IL16: variants seen among roughly 807,000 people sequenced by gnomAD.
IL16 encodes the protein pro-interleukin-16.
Under a neutral mutation model 110.1 loss-of-function variants are expected in IL16, and 67 were observed. That is an observed-to-expected ratio of 0.61 (90% CI 0.50 to 0.75). The LOEUF (loss-of-function observed/expected upper bound fraction) is 0.75. Ranked by LOEUF, IL16 falls within the 30% of genes least tolerant of loss-of-function variation. The pLI is 0.00. For synonymous variants in IL16, 689 were observed against 662.9 expected (o/e 1.04, Z -0.61); for missense variants, 1,545 against 1,655.0 (o/e 0.93, Z 1.15).
intron 1 of IL16, among the ~76,000 whole-genome samples, chr15:81,203,980 T>G (rs1056519514): frequency 8.2e-4 from 124 of 151,836 alleles, no homozygotes; most frequent in Non-Finnish European, 1.3e-3. Flanking sequence ...CATTTGTTTG[T>G]ATCCTCTTTT....
In IL16 at chr15:81,282,686, C is replaced by G; in HGVS notation, c.1129C>G (p.Gln377Glu). 1 of 1,614,140 alleles carries G rather than the reference C, an allele frequency of 6.2e-7. No individual in the cohort carries two copies. ...CGGCCTGTGCAGCGTTCCCTACTTC[C>G]AATGCATCTCTGGCATTTTCGTCCA... Reference protein sequence around the residue: ...GIGLCSVPYFQCISGIFVHTL... With the variant: ...GIGLCSVPYFECISGIFVHTL... Residue 377 changes from glutamine (Q) to glutamate (E), a missense_variant, in exon 9 of 19, where the codon CAA becomes GAA. Physicochemically the swap from Gln to Glu is conservative, Grantham distance 29. Around this residue, in one of 3 missense-constraint regions of IL16, gnomAD observed 1,185 missense variants for 1,238.8 expected, o/e 0.96. Transcript: ENST00000683961.
intron 6 of IL16, among the ~76,000 whole-genome samples, chr15:81,276,624 A>G (rs1256327122): frequency 6.6e-6 from 1 of 152,242 alleles, no homozygotes; most frequent in African/African-American, 2.4e-5. Flanking sequence ...CTCACCAAAA[A>G]GTGAATATCA....
intron 1 of IL16, among the ~76,000 whole-genome samples, chr15:81,215,765 G>A (rs1287439149): frequency 6.6e-6 from 1 of 152,202 alleles, no homozygotes; most frequent in African/African-American, 2.4e-5. Flanking sequence ...CACACTCTGA[G>A]GGTGGGGGAT....
Position 81,313,456 on chromosome 15 carries a change from A to G in IL16, c.*4658A>G. 1.4e-6 allele frequency: 2 copies of G among 1,444,886 alleles called. No homozygotes were observed. Among genetic ancestry groups the G allele is most frequent in the South Asian group, 1.6e-5 (1 of 63,398 alleles). The allele number at this position is 1,444,886 out of a possible 1,614,324, so 89.5% of individuals were successfully genotyped here. ...ATGATCTGCAGCAGAGGTGCTGGGGACGAGCGCCAGGCAGGTGAGCAGAGC... is the reference window on the plus strand; with the variant it reads ...ATGATCTGCAGCAGAGGTGCTGGGGGCGAGCGCCAGGCAGGTGAGCAGAGC... On this transcript the variant is annotated 3_prime_UTR_variant, in exon 19 of 19. Coordinates refer to ENST00000683961, the MANE Select transcript of IL16 (RefSeq NM_172217.5).
At chr15:81,189,684 A>T (rs1895469788) in intron 1 of IL16, among the ~76,000 whole-genome samples, 1 of 152,154 alleles carries the variant, frequency 6.6e-6, no homozygotes, top group Non-Finnish European at 1.5e-5. Flanking sequence ...AGTTCACTGG[A>T]GGCAGGGCTT....
At chr15:81,259,304 C>G (rs1159634980) in intron 2 of IL16, among the ~76,000 whole-genome samples, 1 of 152,172 alleles carries the variant, frequency 6.6e-6, no homozygotes, top group Non-Finnish European at 1.5e-5. Context: ...CTAAAACATA[C>G]CTTCCAGGCT....
At chr15:81,182,934 G>C in intron 1 of IL16, 1 of 1,267,596 alleles carries the variant, frequency 7.9e-7, no homozygotes, top group South Asian at 1.2e-5. Flanking sequence ...GGGGACTCAG[G>C]GGAGGTTGGA....
Position 81,285,850 on chromosome 15 carries a change from C to T in IL16, c.1332+20C>T, listed in dbSNP as rs780399829. 28 of 1,612,906 alleles carry T rather than the reference C, an allele frequency of 1.7e-5. No individual in the cohort carries two copies. In the South Asian group the frequency reaches 2.6e-4, roughly 15 times the overall value. The stretch of plus-strand genomic sequence containing the variant: ...CCACAGGTAACACCCACTGGGTTAT[C>T]CTCTTCTTCTCAGGCTCACTCGTTC... On this transcript the variant is annotated intron_variant, in intron 10 of 18. Coordinates refer to ENST00000683961, the MANE Select transcript of IL16 (RefSeq NM_172217.5).
At position 81,303,622 on chromosome 15, in the gene IL16, GAGC is replaced by G; in HGVS notation, c.3395_3397del (p.Ala1132del). ...GGTCTTGGGTTCAGCTTGGCAGGAG[GAGC>G]AGATCTAGAAAACAAGGTGATTACG... On this transcript the variant is annotated inframe_deletion, in exon 16 of 19. Transcript: ENST00000683961. The surrounding 1 kb of genome is among the most constrained non-coding windows in gnomAD (Gnocchi z 4.1). The G allele has an allele frequency of 6.2e-7, 1 of 1,613,738 alleles. No homozygotes were observed. The highest frequency in any genetic ancestry group is 8.5e-7 in the Non-Finnish European group (1 of 1,179,608).
chr15:81,300,231 CT>C lies in IL16; in HGVS notation c.2906del (p.Leu969ArgfsTer31). On this transcript the variant is annotated frameshift_variant, in exon 14 of 19. Transcript: ENST00000683961. LOFTEE classifies it high-confidence loss of function. ...TAGCCAGCGAGCACGGAGCTTCCCC[CT>C]GACCAGGTCCCAGTCCTGTGAGACG... Reference protein sequence around the residue: ...MPSQRARSFPLTRSQSCETKL... With the variant: ...MPSQRARSFPXTRSQSCETKL... 1 of 1,614,244 alleles carries C rather than the reference CT, an allele frequency of 6.2e-7. No individual in the cohort carries two copies. The highest frequency in any genetic ancestry group is 1.1e-5 in the South Asian group (1 of 91,092).
At chr15:81,258,940 A>G (rs945303784) in intron 2 of IL16, among the ~76,000 whole-genome samples, 16 of 152,156 alleles carry the variant, frequency 1.1e-4, no homozygotes, top group African/African-American at 3.9e-4. Context: ...AGAAAGATAA[A>G]ATAATTAATA....
intron 1 of IL16, among the ~76,000 whole-genome samples, chr15:81,197,571 C>A (rs1334895568): frequency 7.9e-5 from 12 of 152,272 alleles, no homozygotes; most frequent in Middle Eastern, 3.4e-3. Context: ...CCTGGCCAGA[C>A]TCCTTTTCTC....
At chr15:81,256,820 TC>T (rs1897964944) in intron 2 of IL16, among the ~76,000 whole-genome samples, 1 of 152,180 alleles carries the variant, frequency 6.6e-6, no homozygotes, top group Non-Finnish European at 1.5e-5. Flanking sequence ...TTCCTTATGC[TC>T]AATGGACCCG....
intron 2 of IL16, among the ~76,000 whole-genome samples, chr15:81,244,311 T>TTTTGTTTG (rs538641255): frequency 6.6e-6 from 1 of 152,164 alleles, no homozygotes; most frequent in African/African-American, 2.4e-5. Context: ...TTAAGATTCT[T>TTTTGTTTG]TTTGTTTGTT....
rs984553320 is a variant in IL16, at chr15:81,256,365, G to A, written c.313-3407G>A. Among the ~76,000 whole-genome samples the A allele has an allele frequency of 7.7e-5, 10 of 129,116 alleles. No individual in the cohort carries two copies. In the South Asian group the frequency reaches 1.6e-3, roughly 21 times the overall value. 84.7% of individuals were successfully genotyped at this position (129,116 alleles called of 152,430 possible). On this transcript the variant is annotated intron_variant, in intron 2 of 18. Transcript: ENST00000683961. ...TTTTTTTTTTTTGAGACAGAGTCTC[G>A]CTCTGTCACCCAGGCTGAAGTACAG...
rs924374216 is a variant in IL16 at position 81,298,288 on chromosome 15, G to A, written c.2054-1092G>A. 4.6e-5 allele frequency among the ~76,000 whole-genome samples: 7 copies of A among 152,332 alleles called. No individual in the cohort carries two copies. In the South Asian group the frequency reaches 1.2e-3, roughly 27 times the overall value. On this transcript the variant is annotated intron_variant, in intron 13 of 18. Coordinates refer to ENST00000683961, the MANE Select transcript of IL16 (RefSeq NM_172217.5). ...CACTTCTTTTGAAACCTGGCATTGA[G>A]ACAAGGGACAGGAGGGATCAGAGTT...
intron 2 of IL16, among the ~76,000 whole-genome samples, chr15:81,235,701 C>T (rs879693632): frequency 1.2e-4 from 19 of 152,110 alleles, no homozygotes; most frequent in Non-Finnish European, 2.2e-4. Context: ...TTTTACGACA[C>T]GGTGGAGCAC....
rs1900821469 is a variant in IL16 at position 81,310,949 on chromosome 15, G to A, written c.*2151G>A. On this transcript the variant is annotated 3_prime_UTR_variant, in exon 19 of 19. Coordinates refer to ENST00000683961, the MANE Select transcript of IL16 (RefSeq NM_172217.5). The stretch of plus-strand genomic sequence containing the variant: ...TACCTCCTGTCTCTGGCCTGTTTTA[G>A]AAGGTTCTCTCCTCCCCAAGGAGAC... 6.6e-6 allele frequency: 1 copy of A among 152,294 alleles called. No individual in the cohort carries two copies. The highest frequency in any genetic ancestry group is 1.5e-5 in the Non-Finnish European group (1 of 68,114). The allele number at this position is 152,294 out of a possible 1,614,324, so 9.4% of individuals were successfully genotyped here. A position where few individuals can be genotyped will look rare whatever the true frequency, so the allele number is the denominator to read the frequency against.
intron 12 of IL16, chr15:81,295,480 A>G (rs1225909620): frequency 1.6e-6 from 2 of 1,289,772 alleles, no homozygotes; most frequent in East Asian, 5.5e-5. Flanking sequence ...CTAACAATTC[A>G]TGAATGTCAA....
Sources: allele counts gnomAD v4.1 joint callset (sites outside exome capture counted in the v4.1 genomes callset), GRCh38; gene constraint gnomAD v4.1.1; regional missense constraint gnomAD v4.1.1; non-coding constraint Gnocchi (gnomAD v3.1); transcripts MANE v1.5; gene names NCBI Gene and HGNC (gene_info 2026-07-23, HGNC 2026-07-21).